The following AFG1L variants were observed in gnomAD, a reference collection of about 807,000 sequenced individuals.
AFG1L encodes AFG1-like ATPase.
AFG1L carries 53 observed loss-of-function variants against 62.2 expected under a neutral mutation model. That is an observed-to-expected ratio of 0.85 (90% CI 0.68 to 1.07). AFG1L has a LOEUF of 1.07. AFG1L is among the 50% of genes least tolerant of loss of function. The pLI is 0.00. For missense variants in AFG1L, 555 were observed against 590.5 expected (o/e 0.94, Z 0.62); for synonymous variants, 228 against 210.3 (o/e 1.08, Z -0.73).
rs117313164 is a variant in AFG1L at position 108,410,847 on chromosome 6, C to T, written c.807+8793C>T. The stretch of plus-strand genomic sequence containing the variant: ...GCCAAATAGGAACAGATCCAGTCTA[C>T]AGCTCCCAGTGTAAGCAATGCAGAA... On this transcript the variant is annotated intron_variant, in intron 7 of 12. Transcript: ENST00000368977. Among the ~76,000 whole-genome samples the T allele has an allele frequency of 2.8e-3, 423 of 152,296 alleles. 4 individuals are homozygous for T. Among genetic ancestry groups the T allele is most frequent in the Non-Finnish European group, 5.0e-3 (341 of 68,022 alleles).
At chr6:108,501,504 C>T (rs1431314065) in intron 10 of AFG1L, among the ~76,000 whole-genome samples, 1 of 152,168 alleles carries the variant, frequency 6.6e-6, no homozygotes, top group Non-Finnish European at 1.5e-5. Context: ...GATTAATAAA[C>T]AAACATGTAT....
At chr6:108,492,901 G>A (rs1773827267) in intron 10 of AFG1L, among the ~76,000 whole-genome samples, 1 of 151,990 alleles carries the variant, frequency 6.6e-6, no homozygotes, top group Non-Finnish European at 1.5e-5. Context: ...TTAACAAAAA[G>A]CTTCTCAAAA....
chr6:108,370,638 G>A (rs1275636558), intron 6 of AFG1L, among the ~76,000 whole-genome samples: 4 of 152,116 alleles, frequency 2.6e-5, no homozygotes, highest in African/African-American at 9.7e-5. Flanking sequence ...ATTTGAGAGA[G>A]ATTTAGGGGG....
intron 6 of AFG1L, among the ~76,000 whole-genome samples, chr6:108,400,009 A>G (rs569731941): frequency 1.3e-5 from 2 of 151,292 alleles, no homozygotes; most frequent in Non-Finnish European, 3.0e-5. Flanking sequence ...GAACTCCTGG[A>G]CTCAAGGGAT....
intron 12 of AFG1L, 106 bp from the exon 13 acceptor site, chr6:108,522,191 C>T (rs1775150306): frequency 1.2e-5 from 11 of 940,884 alleles, no homozygotes; most frequent in East Asian, 1.0e-4. Context: ...TAAAAAAAGG[C>T]ATAATCTAAA....
At chr6:108,381,593 A>G (rs1340788095) in intron 6 of AFG1L, among the ~76,000 whole-genome samples, 1 of 152,170 alleles carries the variant, frequency 6.6e-6, no homozygotes, top group Non-Finnish European at 1.5e-5. Context: ...AAAAAAAATT[A>G]TAGTGTCAAG....
chr6:108,431,404 A>G (rs1316272720), intron 7 of AFG1L, among the ~76,000 whole-genome samples: 1 of 151,768 alleles, frequency 6.6e-6, no homozygotes, highest in Admixed American at 6.6e-5. Flanking sequence ...GCGCCTGGCT[A>G]TTCTTTATAA....
chr6:108,361,595 A>G (rs1373185733), intron 5 of AFG1L, among the ~76,000 whole-genome samples: 1 of 152,220 alleles, frequency 6.6e-6, no homozygotes, highest in Non-Finnish European at 1.5e-5. Context: ...GAGGAGCCCC[A>G]TCTTGTAAGC....
At chr6:108,451,484 GA>G (rs1012301932) in intron 8 of AFG1L, among the ~76,000 whole-genome samples, 4 of 152,158 alleles carry the variant, frequency 2.6e-5, no homozygotes, top group Admixed American at 6.5e-5. Context: ...TTAAATTTAG[GA>G]ATCCTAGAGT....
intron 8 of AFG1L, among the ~76,000 whole-genome samples, chr6:108,473,715 A>G (rs370883376): frequency 1.3e-5 from 2 of 151,958 alleles, no homozygotes; most frequent in East Asian, 1.9e-4. Flanking sequence ...ATGCCACCAC[A>G]CCCAGCTAAT....
At chr6:108,507,128 G>A (rs868412513) in intron 10 of AFG1L, among the ~76,000 whole-genome samples, 2 of 152,170 alleles carry the variant, frequency 1.3e-5, no homozygotes, top group Non-Finnish European at 2.9e-5. Context: ...AATTGAGAGA[G>A]ATGTCTTTGG....
At chr6:108,328,430 C>G (rs1778141927) in intron 2 of AFG1L, among the ~76,000 whole-genome samples, 1 of 152,118 alleles carries the variant, frequency 6.6e-6, no homozygotes, top group Non-Finnish European at 1.5e-5. Flanking sequence ...GGGTCTCACT[C>G]TATTGCCTAG....
rs139013790 is a variant in AFG1L, at chr6:108,504,332, A to G, written c.1063-5880A>G. Among the ~76,000 whole-genome samples, 112 of 152,320 alleles carry G rather than the reference A, an allele frequency of 7.4e-4. 1 individual carries two copies. Among genetic ancestry groups the G allele is most frequent in the African/African-American group, 2.6e-3 (107 of 41,556 alleles). ...TCACTTGAACACAGAGGCCACTGTA[A>G]TGTTATTAATTGACCTAATTTTAAT... On this transcript the variant is annotated intron_variant, in intron 10 of 12. Coordinates refer to ENST00000368977, the MANE Select transcript of AFG1L (RefSeq NM_145315.5).
At chr6:108,421,737 A>G (rs1027599066) in intron 7 of AFG1L, among the ~76,000 whole-genome samples, 13 of 152,120 alleles carry the variant, frequency 8.5e-5, no homozygotes, top group African/African-American at 2.9e-4. Context: ...CAGGGCTCAG[A>G]GGAAGCCATC....
chr6:108,348,905 G>C (rs1335739873), intron 3 of AFG1L, among the ~76,000 whole-genome samples: 1 of 152,020 alleles, frequency 6.6e-6, no homozygotes. Flanking sequence ...TTCTGTAAAA[G>C]CACTTTTTTT....
At position 108,522,420 on chromosome 6, in the gene AFG1L, A is replaced by G. The variant is rs1202923742; in HGVS notation, c.1441A>G (p.Lys481Glu). 1 of 1,606,836 alleles carries G rather than the reference A, an allele frequency of 6.2e-7. No individual in the cohort carries two copies. The highest frequency in any genetic ancestry group is 8.5e-7 in the Non-Finnish European group (1 of 1,174,534). ...CTGGAATGAAGGAGACAGAACCAAG[A>G]AGTAACTGCCACTTTTGCATAAATA... Reference protein sequence around the residue: ...QYWNEGDRTKK With the variant: ...QYWNEGDRTKE The change falls in exon 13 of 13, where the codon AAG (lysine) becomes GAG (glutamate). Residue 481 changes from lysine (K) to glutamate (E), a missense_variant. By Grantham distance (56) the Lys-to-Glu change is moderately conservative (BLOSUM62 1). Transcript: ENST00000368977.
intron 6 of AFG1L, among the ~76,000 whole-genome samples, chr6:108,390,401 T>C (rs1322443519): frequency 6.6e-6 from 1 of 152,230 alleles, no homozygotes; most frequent in Non-Finnish European, 1.5e-5. Flanking sequence ...CTTTGTACCG[T>C]TGCTAGCGAG....
chr6:108,316,380 CAAAAAAA>C (rs768461563), intron 1 of AFG1L, among the ~76,000 whole-genome samples: 3 of 18,820 alleles, frequency 1.6e-4, no homozygotes, highest in Admixed American at 6.5e-4. Context: ...GACTCCGTCT[CAAAAAAA>C]AAAAAAAAAA....
At chr6:108,331,763 C>T (rs1778285622) in intron 2 of AFG1L, among the ~76,000 whole-genome samples, 1 of 152,128 alleles carries the variant, frequency 6.6e-6, no homozygotes, top group Non-Finnish European at 1.5e-5. Context: ...TTTCCAGAGT[C>T]AGGGAGGGAG....
Sources: allele counts gnomAD v4.1 joint callset (sites outside exome capture counted in the v4.1 genomes callset), GRCh38; gene constraint gnomAD v4.1.1; transcripts MANE v1.5; gene names NCBI Gene and HGNC (gene_info 2026-07-23, HGNC 2026-07-21).